CPQ: variants seen among roughly 807,000 people sequenced by gnomAD.
CPQ encodes the protein Ser-Met dipeptidase.
In CPQ, 37 loss-of-function variants were observed where a neutral mutation model predicts 45.7. That is an observed-to-expected ratio of 0.81 (90% CI 0.62 to 1.07). CPQ has a LOEUF of 1.07. Ranked by LOEUF, CPQ falls within the 50% of genes least tolerant of loss-of-function variation. The pLI is 0.00. For missense variants in CPQ, 537 were observed against 572.9 expected, an observed-to-expected ratio of 0.94 and a Z score of 0.64; for synonymous variants, 186 against 205.8, an observed-to-expected ratio of 0.90 and a Z score of 0.82.
chr8:96,843,927 C>T (rs538897708), intron 3 of CPQ, among the ~76,000 whole-genome samples: 6 of 152,154 alleles, frequency 3.9e-5, no homozygotes, highest in Non-Finnish European at 7.3e-5. Context: ...GTTTGCATTT[C>T]TAGTACAGGC....
At chr8:96,996,318 G>C (rs1475274857) in intron 5 of CPQ, among the ~76,000 whole-genome samples, 1 of 151,944 alleles carries the variant, frequency 6.6e-6, no homozygotes, top group East Asian at 1.9e-4. Flanking sequence ...GGGTCAACTG[G>C]TGGCTAGAGG....
intron 6 of CPQ, among the ~76,000 whole-genome samples, chr8:97,050,647 G>T (rs536819618): frequency 6.6e-6 from 1 of 152,112 alleles, no homozygotes; most frequent in Non-Finnish European, 1.5e-5. Context: ...GAAGGATTGC[G>T]TGAGCCCAGG....
intron 3 of CPQ, among the ~76,000 whole-genome samples, chr8:96,843,363 G>C (rs976378013): frequency 6.6e-6 from 1 of 152,054 alleles, no homozygotes; most frequent in African/African-American, 2.4e-5. Flanking sequence ...TAATCAGGGA[G>C]GGATTGAGGG....
At chr8:96,717,024 AATATATAT>A (rs58338307) in intron 1 of CPQ, among the ~76,000 whole-genome samples, 566 of 56,470 alleles carry the variant, frequency 0.01, 6 homozygotes, top group African/African-American at 0.013. Context: ...CCATGATATA[AATATATAT>A]ATATATATAT....
chr8:96,899,481 G>A (rs557308627), intron 4 of CPQ, among the ~76,000 whole-genome samples: 1 of 152,214 alleles, frequency 6.6e-6, no homozygotes, highest in Admixed American at 6.5e-5. Context: ...GACTCTGGAG[G>A]CTTTATAGGA....
chr8:96,785,228 C>T lies in CPQ; in HGVS notation c.331C>T (p.Pro111Ser), dbSNP rs1810751153. 4 of 1,613,330 alleles carry T rather than the reference C, an allele frequency of 2.5e-6. No individual in the cohort carries two copies. The Admixed American group carries it at 5.0e-5, about 20-fold the overall frequency. ...AGTTCACCTGGAGCCAGTGAGAATACCCCACTGGGAGAGGGGAGAAGAATC... is the reference window on the plus strand; with the variant it reads ...AGTTCACCTGGAGCCAGTGAGAATATCCCACTGGGAGAGGGGAGAAGAATC... ...EKVHLEPVRI[P>S]HWERGEESAV... The change falls in exon 2 of 8, where the codon CCC becomes TCC. Residue 111 changes from proline (P) to serine (S), a missense_variant. Physicochemically the swap from Pro to Ser is moderately conservative, Grantham distance 74. Transcript: ENST00000220763.
intron 1 of CPQ, among the ~76,000 whole-genome samples, chr8:96,686,098 T>C (rs1196265636): frequency 2.0e-5 from 3 of 152,166 alleles, no homozygotes; most frequent in Non-Finnish European, 2.9e-5. Flanking sequence ...TTATTTATAG[T>C]TTTCCAGTTG....
intron 7 of CPQ, among the ~76,000 whole-genome samples, chr8:97,113,114 G>A (rs1014131239): frequency 2.6e-5 from 4 of 152,168 alleles, no homozygotes; most frequent in African/African-American, 9.7e-5. Flanking sequence ...GAAGACTGCG[G>A]GGCCATCAGC....
chr8:96,903,508 A>C (rs1363728271), intron 4 of CPQ, among the ~76,000 whole-genome samples: 1 of 152,186 alleles, frequency 6.6e-6, no homozygotes, highest in Non-Finnish European at 1.5e-5. Context: ...TTTAAGTCAG[A>C]TCTATTTACT....
At chr8:96,800,551 T>C (rs1410930639) in intron 2 of CPQ, among the ~76,000 whole-genome samples, 1 of 152,176 alleles carries the variant, frequency 6.6e-6, no homozygotes, top group Non-Finnish European at 1.5e-5. Flanking sequence ...TAGCAGTATT[T>C]ATGGGGGCAA....
At chr8:96,896,579 G>A (rs779922090) in intron 4 of CPQ, among the ~76,000 whole-genome samples, 5 of 151,872 alleles carry the variant, frequency 3.3e-5, no homozygotes, top group Non-Finnish European at 7.4e-5. Flanking sequence ...AGTATTTACT[G>A]AGCACTGATT....
Position 96,960,596 on chromosome 8 carries a change from C to G in CPQ, c.850-5339C>G, listed in dbSNP as rs138195845. On this transcript the variant is annotated intron_variant, in intron 4 of 7. Coordinates refer to ENST00000220763, the MANE Select transcript of CPQ (RefSeq NM_016134.4). ...CTGAGTTGCAGAAACAGAACACTAT[C>G]AGTGTCTTTGAAGGTCACTGTGTTC... Among the ~76,000 whole-genome samples the G allele has an allele frequency of 5.1e-4, 78 of 152,284 alleles. 1 individual carries two copies. The highest frequency in any genetic ancestry group is 1.9e-3 in the African/African-American group (78 of 41,566).
intron 7 of CPQ, among the ~76,000 whole-genome samples, chr8:97,093,434 A>T (rs973530325): frequency 4.6e-5 from 7 of 152,232 alleles, no homozygotes; most frequent in African/African-American, 1.7e-4. Context: ...TCAATGGTAG[A>T]GTGGATAAAG....
intron 2 of CPQ, among the ~76,000 whole-genome samples, chr8:96,816,054 A>C (rs1811225107): frequency 6.6e-6 from 1 of 152,050 alleles, no homozygotes; most frequent in East Asian, 1.9e-4. Flanking sequence ...ATAAGACAAC[A>C]ATGAAGTTTG....
chr8:96,971,407 A>G (rs1050114691), intron 5 of CPQ, among the ~76,000 whole-genome samples: 5 of 152,248 alleles, frequency 3.3e-5, no homozygotes, highest in Non-Finnish European at 7.3e-5. Flanking sequence ...GTATTATTGG[A>G]AATATTTGAA....
intron 3 of CPQ, among the ~76,000 whole-genome samples, chr8:96,878,972 G>C (rs1812184239): frequency 1.3e-5 from 2 of 152,206 alleles, no homozygotes; most frequent in Non-Finnish European, 2.9e-5. Context: ...GGAGGGTTAG[G>C]AGCCACACCT....
At chr8:96,659,678 C>T (rs1815676735) in intron 1 of CPQ, among the ~76,000 whole-genome samples, 1 of 152,114 alleles carries the variant, frequency 6.6e-6, no homozygotes, top group African/African-American at 2.4e-5. Context: ...AGGTTAGTGG[C>T]ATCTCAATCC....
At chr8:96,998,198 A>G (rs1345437481) in intron 5 of CPQ, among the ~76,000 whole-genome samples, 1 of 152,014 alleles carries the variant, frequency 6.6e-6, no homozygotes, top group Non-Finnish European at 1.5e-5. Flanking sequence ...TAAAATGTGA[A>G]TAACATCCAC....
intron 3 of CPQ, among the ~76,000 whole-genome samples, chr8:96,873,814 T>C (rs1250022878): frequency 3.3e-5 from 5 of 151,802 alleles, no homozygotes; most frequent in Non-Finnish European, 7.4e-5. Flanking sequence ...TGTCCTCTTG[T>C]TGGATATTTA....
Sources: allele counts gnomAD v4.1 joint callset (sites outside exome capture counted in the v4.1 genomes callset), GRCh38; gene constraint gnomAD v4.1.1; transcripts MANE v1.5; gene names NCBI Gene and HGNC (gene_info 2026-07-23, HGNC 2026-07-21).